Variants in PCDH15 observed in about 807,000 individuals in gnomAD.
The protein encoded by PCDH15 is protocadherin-15.
Under a neutral mutation model 178.5 loss-of-function variants are expected in PCDH15, and 129 were observed. The ratio of observed to expected loss-of-function variants is 0.72; its 90% CI spans 0.63 to 0.84. PCDH15 has a LOEUF of 0.84. Among genes scored for constraint, PCDH15 ranks in the 40% least tolerant of loss-of-function variants. The pLI, the probability that PCDH15 is intolerant of heterozygous loss-of-function variation, is 0.00. For synonymous variants in PCDH15, 800 were observed against 732.0 expected (o/e 1.09, Z -1.50); for missense variants, 2,230 against 2,099.9 (o/e 1.06, Z -1.21).
At chr10:54,014,229 A>G (rs1373593274) in intron 20 of PCDH15, among the ~76,000 whole-genome samples, 1 of 152,120 alleles carries the variant, frequency 6.6e-6, no homozygotes, top group Non-Finnish European at 1.5e-5. Context: ...AAGAAACTGA[A>G]TCCCTAAACA....
At chr10:54,366,753 C>T (rs1295408017) in intron 5 of PCDH15, among the ~76,000 whole-genome samples, 1 of 149,670 alleles carries the variant, frequency 6.7e-6, no homozygotes, top group Non-Finnish European at 1.5e-5. Context: ...AGAGTATGGG[C>T]AAAATCAAAG....
At chr10:54,882,678 T>C (rs1954285447) in intron 3 of PCDH15, among the ~76,000 whole-genome samples, 1 of 152,054 alleles carries the variant, frequency 6.6e-6, no homozygotes, top group Non-Finnish European at 1.5e-5. Flanking sequence ...AGATTAAGAT[T>C]AAGAATCTGC....
chr10:54,562,051 T>C (rs2088256521), intron 2 of PCDH15, among the ~76,000 whole-genome samples: 1 of 139,710 alleles, frequency 7.2e-6, no homozygotes, highest in African/African-American at 2.7e-5. Context: ...AATGCAGTGG[T>C]GTGATCTTGG....
chr10:55,058,068 G>A (rs908908403), intron 2 of PCDH15, among the ~76,000 whole-genome samples: 1 of 151,824 alleles, frequency 6.6e-6, no homozygotes, highest in Non-Finnish European at 1.5e-5. Flanking sequence ...TCATTCAAGT[G>A]TCTTAATAAT....
chr10:54,296,144 C>T (rs1184687489), intron 8 of PCDH15, among the ~76,000 whole-genome samples: 1 of 48,234 alleles, frequency 2.1e-5, no homozygotes, highest in Non-Finnish European at 3.6e-5. Flanking sequence ...GACTCCGTCT[C>T]AAAAAAAAAA....
chr10:55,365,908 A>G (rs1372800540), intron 2 of PCDH15, among the ~76,000 whole-genome samples: 1 of 152,038 alleles, frequency 6.6e-6, no homozygotes, highest in African/African-American at 2.4e-5. Context: ...ATTGTATCCT[A>G]TCAGTAGTTC....
chr10:54,983,087 G>A (rs1375079384), intron 2 of PCDH15, among the ~76,000 whole-genome samples: 2 of 152,030 alleles, frequency 1.3e-5, no homozygotes, highest in African/African-American at 2.4e-5. Context: ...CATATATCAA[G>A]TTTATTAGGA....
chr10:53,830,044 C>G (rs1588981788), intron 30 of PCDH15, among the ~76,000 whole-genome samples: 1 of 152,106 alleles, frequency 6.6e-6, no homozygotes, highest in African/African-American at 2.4e-5. Context: ...TGGCTCACAC[C>G]TGTAATCCCA....
chr10:55,443,433 A>C (rs1314354236), intron 2 of PCDH15, among the ~76,000 whole-genome samples: 1 of 152,212 alleles, frequency 6.6e-6, no homozygotes, highest in Non-Finnish European at 1.5e-5. Flanking sequence ...CAAATTTACA[A>C]GAAAAAAAAC....
At chr10:53,827,108 G>A (rs2076731071) in intron 32 of PCDH15, among the ~76,000 whole-genome samples, 1 of 151,712 alleles carries the variant, frequency 6.6e-6, no homozygotes, top group Non-Finnish European at 1.5e-5. Context: ...TGACCCTGAG[G>A]ATTGAGATAT....
At chr10:54,902,575 C>T (rs1431767125) in intron 2 of PCDH15, among the ~76,000 whole-genome samples, 2 of 152,148 alleles carry the variant, frequency 1.3e-5, no homozygotes. Context: ...GCCTGTGGAA[C>T]TGTGAGTCAA....
intron 2 of PCDH15, among the ~76,000 whole-genome samples, chr10:54,644,159 T>C (rs948208691): frequency 2.0e-5 from 3 of 151,248 alleles, no homozygotes; most frequent in African/African-American, 4.8e-5. Flanking sequence ...CATCATTTTT[T>C]TATGGCTGCA....
At chr10:55,172,470 CTT>C (rs75737594) in intron 1 of PCDH15, among the ~76,000 whole-genome samples, 71,112 of 151,524 alleles carry the variant, frequency 0.47, 16,905 homozygotes, top group East Asian at 0.65. Flanking sequence ...TAATAAATGA[CTT>C]TTGAGAAAGC....
At chr10:54,392,195 C>T (rs1444580100) in intron 3 of PCDH15, among the ~76,000 whole-genome samples, 5 of 151,886 alleles carry the variant, frequency 3.3e-5, no homozygotes, top group African/African-American at 4.8e-5. Context: ...CCGGGCATGG[C>T]GGCTTACACC....
At chr10:54,048,348 G>T (rs1383930448) in intron 18 of PCDH15, among the ~76,000 whole-genome samples, 1 of 152,104 alleles carries the variant, frequency 6.6e-6, no homozygotes, top group Non-Finnish European at 1.5e-5. Flanking sequence ...CTCCCATTCT[G>T]TAGGTTGTTT....
chr10:55,543,379 G>GTA (rs5785142), intron 2 of PCDH15, among the ~76,000 whole-genome samples: 60,500 of 146,814 alleles, frequency 0.41, 13,032 homozygotes, highest in East Asian at 0.8. Context: ...TATAATGCCT[G>GTA]TATATATATA....
At position 53,822,370 on chromosome 10, in the gene PCDH15, T is replaced by C. The variant is rs764783228; in HGVS notation, c.4368-2140A>G. ...GTAGGAGGAGGAAGAGGAAGAGGGA[T>C]AGAAGGAGGAGAGGGAGGAGGACAA... is the stretch of plus-strand genomic sequence containing the variant. On this transcript the variant is annotated intron_variant, in intron 32 of 37. Transcript: ENST00000644397. The C allele has an allele frequency of 2.5e-6, 4 of 1,569,412 alleles. No individual in the cohort carries two copies. The highest frequency in any genetic ancestry group is 3.5e-6 in the Non-Finnish European group (4 of 1,158,042).
Position 53,903,212 on chromosome 10 carries a change from T to C in PCDH15, c.3501+31A>G, listed in dbSNP as rs200140818. 98 of 1,610,348 alleles carry C rather than the reference T, an allele frequency of 6.1e-5. No individual in the cohort carries two copies. In the East Asian group the frequency reaches 2.1e-3, roughly 35 times the overall value. ...ATCTGCAAAACCTGAGCTTTTACTT[T>C]AGTTCTGTATATTAACATAATTCCG... is the stretch of plus-strand genomic sequence containing the variant. On this transcript the variant is annotated intron_variant, in intron 26 of 37. Coordinates refer to ENST00000644397, the MANE Select transcript of PCDH15 (RefSeq NM_001384140.1).
chr10:54,756,785 C>T (rs1287500031), intron 1 of PCDH15, among the ~76,000 whole-genome samples: 1 of 152,030 alleles, frequency 6.6e-6, no homozygotes, highest in African/African-American at 2.4e-5. Flanking sequence ...TTTGCCTTGC[C>T]TTAGAACAGG....
Sources: allele counts gnomAD v4.1 joint callset (sites outside exome capture counted in the v4.1 genomes callset), GRCh38; gene constraint gnomAD v4.1.1; transcripts MANE v1.5; gene names NCBI Gene and HGNC (gene_info 2026-07-23, HGNC 2026-07-21).